Variants in HYCC1 observed in about 807,000 individuals in gnomAD.
HYCC1 encodes hyccin PI4KA lipid kinase complex subunit 1.
chr7:23,011,868 A>C, the HYCC1 span, among the ~76,000 whole-genome samples: 1 of 151,854 alleles, frequency 6.6e-6, no homozygotes, highest in Non-Finnish European at 1.5e-5. Flanking sequence ...CATCCTTCAC[A>C]ACTTGGCTGT....
the HYCC1 span, chr7:22,945,517 A>G: frequency 5.5e-6 from 6 of 1,099,798 alleles, no homozygotes; most frequent in Non-Finnish European, 8.4e-6. Context: ...TGAAAGACCC[A>G]GGGTACTTTC....
the HYCC1 span, among the ~76,000 whole-genome samples, chr7:22,908,686 T>C: frequency 6.6e-6 from 1 of 152,176 alleles, no homozygotes; most frequent in African/African-American, 2.4e-5. Context: ...TAGTAAAGAA[T>C]TAAGTGTACC....
At chr7:22,965,479 T>C in the HYCC1 span, among the ~76,000 whole-genome samples, 1 of 149,616 alleles carries the variant, frequency 6.7e-6, no homozygotes, top group African/African-American at 2.5e-5. Context: ...AAATGACATG[T>C]AAATAAATAT....
the HYCC1 span, chr7:22,945,789 G>C: frequency 6.2e-7 from 1 of 1,613,762 alleles, no homozygotes; most frequent in Non-Finnish European, 8.5e-7. Flanking sequence ...CCACTGACTT[G>C]TTCAAAGGAT....
At chr7:22,966,344 T>C in the HYCC1 span, among the ~76,000 whole-genome samples, 1 of 152,130 alleles carries the variant, frequency 6.6e-6, no homozygotes, top group Non-Finnish European at 1.5e-5. Flanking sequence ...CAGGCTGGAG[T>C]GCAGTGACAT....
At chr7:22,991,073 C>T in the HYCC1 span, 3 of 1,607,720 alleles carry the variant, frequency 1.9e-6, no homozygotes, top group Non-Finnish European at 2.6e-6. Flanking sequence ...TAAACTCTGA[C>T]AACCATTCCT....
chr7:22,986,440 A>G, the HYCC1 span, among the ~76,000 whole-genome samples: 39 of 152,374 alleles, frequency 2.6e-4, no homozygotes, highest in African/African-American at 9.4e-4. Flanking sequence ...CTCACACTGT[A>G]CTAGTTCAAA....
At chr7:22,935,441 TC>T in the HYCC1 span, 1 of 152,172 alleles carries the variant, frequency 6.6e-6, no homozygotes, top group African/African-American at 2.4e-5. Context: ...TCACTCTTAC[TC>T]CTATGGTGGA....
chr7:22,945,153 A>C, the HYCC1 span: 81,282 of 207,616 alleles, frequency 0.39, 16,275 homozygotes, highest in East Asian at 0.51. Context: ...TCTATAAAAC[A>C]GTTCCCATAC....
At chr7:22,945,811 A>C in the HYCC1 span, 1 of 1,613,876 alleles carries the variant, frequency 6.2e-7, no homozygotes, top group South Asian at 1.1e-5. Flanking sequence ...TACTAAATAC[A>C]GTCGCTGCGG....
chr7:22,966,807 T>C, the HYCC1 span, among the ~76,000 whole-genome samples: 1 of 152,096 alleles, frequency 6.6e-6, no homozygotes, highest in Non-Finnish European at 1.5e-5. Flanking sequence ...TCAACATAAA[T>C]GCATTTGATA....
chr7:22,966,085 G>A, the HYCC1 span, among the ~76,000 whole-genome samples: 1 of 151,804 alleles, frequency 6.6e-6, no homozygotes, highest in Non-Finnish European at 1.5e-5. Context: ...TTAAATGACA[G>A]GGAAAAAAAA....
chr7:22,902,370 A>C, the HYCC1 span, among the ~76,000 whole-genome samples: 1 of 151,764 alleles, frequency 6.6e-6, no homozygotes, highest in Non-Finnish European at 1.5e-5. Flanking sequence ...CTAAAAAAAA[A>C]CCCAAAGTAA....
chr7:22,896,682 C>G, the HYCC1 span, among the ~76,000 whole-genome samples: 1 of 152,184 alleles, frequency 6.6e-6, no homozygotes, highest in Non-Finnish European at 1.5e-5. Flanking sequence ...AGGCCTTTCT[C>G]TCATTCCCAT....
chr7:22,905,098 CACTT>C, the HYCC1 span, among the ~76,000 whole-genome samples: 1 of 152,290 alleles, frequency 6.6e-6, no homozygotes, highest in African/African-American at 2.4e-5. Flanking sequence ...TTTGTGAACT[CACTT>C]ACCACCAAAG....
the HYCC1 span, among the ~76,000 whole-genome samples, chr7:22,965,869 A>G: frequency 6.6e-6 from 1 of 152,056 alleles, no homozygotes. Flanking sequence ...ATCCTCCCAC[A>G]TCAGCCTCCC....
At chr7:22,976,769 G>C in the HYCC1 span, 1 of 1,613,558 alleles carries the variant, frequency 6.2e-7, no homozygotes, top group Admixed American at 1.7e-5. Flanking sequence ...TGCTGGGATA[G>C]TGCACTCTCA....
At chr7:22,914,607 G>A in the HYCC1 span, among the ~76,000 whole-genome samples, 1 of 152,164 alleles carries the variant, frequency 6.6e-6, no homozygotes, top group South Asian at 2.1e-4. Flanking sequence ...ATGGTCTGGG[G>A]TGCCTGACGT....
the HYCC1 span, chr7:22,976,625 A>G: frequency 1.3e-5 from 12 of 916,868 alleles, no homozygotes; most frequent in Middle Eastern, 2.1e-4. Context: ...ATTATTTATA[A>G]GTCTACTGAA....
Sources: gnomAD v4.1 joint callset for allele counts (sites outside exome capture counted in the v4.1 genomes callset) on GRCh38, gnomAD v4.1.1 for gene constraint, MANE v1.5 for transcripts, NCBI Gene and HGNC (gene_info 2026-07-23, HGNC 2026-07-21) for gene names.